Variants in PRMT8 observed in about 807,000 individuals in gnomAD.
PRMT8 encodes protein arginine methyltransferase 8.
In PRMT8, 7 loss-of-function variants were observed where a neutral mutation model predicts 47.1. That is an observed-to-expected ratio of 0.15 (90% CI 0.08 to 0.28). The LOEUF (loss-of-function observed/expected upper bound fraction) is 0.28. PRMT8 is among the 10% of genes least tolerant of loss of function. The pLI, the probability that PRMT8 is intolerant of heterozygous loss-of-function variation, is 1.00. For synonymous variants in PRMT8, 188 were observed against 186.5 expected, an observed-to-expected ratio of 1.01 and a Z score of -0.07; for missense variants, 237 against 505.4, an observed-to-expected ratio of 0.47 and a Z score of 5.09.
chr12:3,495,474 T>C (rs1300242481), intron 1 of PRMT8, among the ~76,000 whole-genome samples: 1 of 152,170 alleles, frequency 6.6e-6, no homozygotes. Flanking sequence ...AAAACAATCT[T>C]TTTCAACCTG....
Position 3,518,400 on chromosome 12 carries a change from T to G in PRMT8, c.76-22206T>G, listed in dbSNP as rs74057486. ...ACAAGTACTAGAGTTAGGAATTCTT[T>G]TTTTTTTTTAAAAAAAAGGCCACTC... is the stretch of plus-strand genomic sequence containing the variant. On this transcript the variant is annotated intron_variant, in intron 1 of 9. Coordinates refer to ENST00000382622, the MANE Select transcript of PRMT8 (RefSeq NM_019854.5). 3.8e-3 allele frequency among the ~76,000 whole-genome samples: 548 copies of G among 144,788 alleles called. 6 individuals are homozygous for G. The highest frequency in any genetic ancestry group is 0.013 in the African/African-American group (525 of 40,160). 95.0% of individuals were successfully genotyped at this position (144,788 alleles called of 152,430 possible). A position where few individuals can be genotyped will look rare whatever the true frequency, so the allele number is the denominator to read the frequency against.
intron 1 of PRMT8, among the ~76,000 whole-genome samples, chr12:3,529,702 T>C (rs931328552): frequency 7.2e-5 from 11 of 152,222 alleles, no homozygotes; most frequent in African/African-American, 2.7e-4. Flanking sequence ...GGTATGGCTA[T>C]GATTTTGGCC....
intron 8 of PRMT8, among the ~76,000 whole-genome samples, chr12:3,589,059 A>T (rs377462416): frequency 6.6e-6 from 1 of 152,204 alleles, no homozygotes; most frequent in African/African-American, 2.4e-5. Context: ...TAGTTGATGG[A>T]CTAATAAAAT....
intron 1 of PRMT8, among the ~76,000 whole-genome samples, chr12:3,451,043 C>G: frequency 2.0e-5 from 1 of 49,936 alleles, no homozygotes; most frequent in African/African-American, 6.5e-5. Context: ...ACCCCCCCCC[C>G]CCCCCCCCCC....
chr12:3,550,337 A>G lies in PRMT8; in HGVS notation c.417+246A>G. On this transcript the variant is annotated intron_variant, in intron 3 of 9. Coordinates refer to ENST00000382622, the MANE Select transcript of PRMT8 (RefSeq NM_019854.5). The surrounding 1 kb of genome is among the most constrained non-coding windows in gnomAD (Gnocchi z 5.1). ...GAGGAACTGTGGCTTTCCTGAGACC[A>G]TTCCAATGTCATCATGACCTTTCAG... 1 of 484,538 alleles carries G rather than the reference A, an allele frequency of 2.1e-6. No individual in the cohort carries two copies. Among genetic ancestry groups the G allele is most frequent in the Admixed American group, 3.2e-5 (1 of 31,142 alleles). 30.0% of individuals were successfully genotyped at this position (484,538 alleles called of 1,614,324 possible).
intron 1 of PRMT8, among the ~76,000 whole-genome samples, chr12:3,437,374 CTTTTA>C (rs911327198): frequency 4.0e-5 from 6 of 151,666 alleles, no homozygotes; most frequent in African/African-American, 1.2e-4. Flanking sequence ...TTATTTTAAA[CTTTTA>C]TTTTAGGCTC....
At chr12:3,427,534 C>A (rs538225983) in intron 1 of PRMT8, among the ~76,000 whole-genome samples, 5 of 151,748 alleles carry the variant, frequency 3.3e-5, no homozygotes, top group African/African-American at 1.2e-4. Flanking sequence ...ATTCTTATGC[C>A]GTCTTGTAAT....
intron 1 of PRMT8, among the ~76,000 whole-genome samples, chr12:3,413,121 G>A (rs1397715010): frequency 6.6e-6 from 1 of 152,128 alleles, no homozygotes; most frequent in African/African-American, 2.4e-5. Context: ...GCTAGTCCAA[G>A]GGTAGGCCAC....
At chr12:3,483,907 G>A (rs1865298175) in intron 1 of PRMT8, among the ~76,000 whole-genome samples, 1 of 152,156 alleles carries the variant, frequency 6.6e-6, no homozygotes, top group South Asian at 2.1e-4. Flanking sequence ...TCCCCATCAA[G>A]CTCTGCCTCC....
chr12:3,436,649 A>G lies in PRMT8; in HGVS notation c.48+55207A>G, dbSNP rs778933727. 6.6e-6 allele frequency among the ~76,000 whole-genome samples: 1 copy of G among 152,288 alleles called. No homozygotes were observed. Among genetic ancestry groups the G allele is most frequent in the East Asian group, 1.9e-4 (1 of 5,182 alleles). On this transcript the variant is annotated intron_variant, in intron 1 of 9. Coordinates refer to the PRMT8 transcript ENST00000452611. The surrounding 1 kb of genome is among the most constrained non-coding windows in gnomAD (Gnocchi z 4.2). ...AGAAGTTTCAGCTGGGTGCATGGCC[A>G]TAATTGGGTTACGGGGCTGCTAATA...
At chr12:3,551,451 G>A (rs1046978628) in intron 3 of PRMT8, 4 of 152,328 alleles carry the variant, frequency 2.6e-5, no homozygotes, top group African/African-American at 4.8e-5. Context: ...CTGGACTTGA[G>A]TCCTCTGGTG....
intron 2 of PRMT8, among the ~76,000 whole-genome samples, chr12:3,546,106 CAGA>C (rs1429206152): frequency 6.6e-6 from 1 of 152,112 alleles, no homozygotes; most frequent in Admixed American, 6.5e-5. Context: ...CCATGGGTCA[CAGA>C]AGAAGTCACA....
chr12:3,419,966 A>T (rs1396738171), intron 1 of PRMT8, among the ~76,000 whole-genome samples: 8 of 124,962 alleles, frequency 6.4e-5, no homozygotes, highest in African/African-American at 2.4e-4. Context: ...TGAGGGGGAG[A>T]AAGAGGGAGA....
intron 1 of PRMT8, among the ~76,000 whole-genome samples, chr12:3,507,214 C>T (rs961783643): frequency 6.6e-6 from 1 of 151,400 alleles, no homozygotes; most frequent in Non-Finnish European, 1.5e-5. Flanking sequence ...CTCCGCCTCC[C>T]GGGTTCACGC....
intron 1 of PRMT8, among the ~76,000 whole-genome samples, chr12:3,399,256 T>A (rs1565398672): frequency 6.6e-6 from 1 of 152,188 alleles, no homozygotes; most frequent in Non-Finnish European, 1.5e-5. Flanking sequence ...AGGACACAGA[T>A]GCAGATGAGC....
intron 2 of PRMT8, among the ~76,000 whole-genome samples, chr12:3,547,947 A>G (rs1206681230): frequency 6.6e-6 from 1 of 152,232 alleles, no homozygotes; most frequent in Non-Finnish European, 1.5e-5. Flanking sequence ...GCCTAGAAAA[A>G]TCAAAATAAT....
chr12:3,525,308 GCAGAATAAAGATCAGGGTGA>G (rs1865936795), intron 1 of PRMT8, among the ~76,000 whole-genome samples: 1 of 152,198 alleles, frequency 6.6e-6, no homozygotes, highest in Non-Finnish European at 1.5e-5. Context: ...GTGTCAGATA[GCAGAATAAAGATCAGGGTGA>G]CAGAGGCTGA....
intron 1 of PRMT8, among the ~76,000 whole-genome samples, chr12:3,513,492 C>T (rs1226236429): frequency 6.6e-6 from 1 of 152,176 alleles, no homozygotes; most frequent in East Asian, 1.9e-4. Flanking sequence ...TGACATCTTA[C>T]CTGAAGACAG....
intron 1 of PRMT8, among the ~76,000 whole-genome samples, chr12:3,440,951 G>T (rs1864795129): frequency 6.6e-6 from 1 of 152,152 alleles, no homozygotes; most frequent in Admixed American, 6.5e-5. Flanking sequence ...ACTTCCTCTT[G>T]TTAACAATAC....
Sources: allele counts gnomAD v4.1 joint callset (sites outside exome capture counted in the v4.1 genomes callset), GRCh38; gene constraint gnomAD v4.1.1; non-coding constraint Gnocchi (gnomAD v3.1); transcripts MANE v1.5; gene names NCBI Gene and HGNC (gene_info 2026-07-23, HGNC 2026-07-21).